The following CNOT6L variants were observed in gnomAD, a reference collection of about 807,000 sequenced individuals.
CNOT6L encodes CCR4-NOT transcription complex subunit 6-like.
Under a neutral mutation model 64.0 loss-of-function variants are expected in CNOT6L, and 7 were observed. The ratio of observed to expected loss-of-function variants is 0.11; its 90% CI spans 0.06 to 0.21. The LOEUF is 0.21. Among genes scored for constraint, CNOT6L ranks in the 10% least tolerant of loss-of-function variants. The pLI is 1.00. For synonymous variants in CNOT6L, 193 were observed against 243.4 expected (o/e 0.79, Z 1.93); for missense variants, 245 against 669.0 (o/e 0.37, Z 6.99).
At chr4:77,793,472 T>G (rs554367371) in intron 1 of CNOT6L, among the ~76,000 whole-genome samples, 1 of 152,300 alleles carries the variant, frequency 6.6e-6, no homozygotes, top group Non-Finnish European at 1.5e-5. Flanking sequence ...ATTCTGAAAT[T>G]TGCCTCTGGT....
At chr4:77,794,503 A>G (rs1375854950) in intron 1 of CNOT6L, among the ~76,000 whole-genome samples, 1 of 152,216 alleles carries the variant, frequency 6.6e-6, no homozygotes, top group Non-Finnish European at 1.5e-5. Flanking sequence ...AAAACCACCT[A>G]TTAAGAAACT....
At chr4:77,806,780 C>CCA (rs1732273486) in intron 1 of CNOT6L, among the ~76,000 whole-genome samples, 2 of 152,216 alleles carry the variant, frequency 1.3e-5, no homozygotes, top group African/African-American at 4.8e-5. Flanking sequence ...CCTCATGTTC[C>CCA]CACTCGAGCC....
intron 1 of CNOT6L, among the ~76,000 whole-genome samples, chr4:77,779,665 T>C (rs1728626764): frequency 6.6e-6 from 1 of 151,992 alleles, no homozygotes; most frequent in Non-Finnish European, 1.5e-5. Context: ...AGGATGCCAA[T>C]AAAAATGACC....
chr4:77,721,473 T>G (rs914762101), intron 11 of CNOT6L, among the ~76,000 whole-genome samples: 1 of 152,146 alleles, frequency 6.6e-6, no homozygotes, highest in Non-Finnish European at 1.5e-5. Flanking sequence ...GGGAGAAATA[T>G]TTCTACACCT....
At chr4:77,748,933 A>C (rs1415665563) in intron 5 of CNOT6L, among the ~76,000 whole-genome samples, 1 of 152,208 alleles carries the variant, frequency 6.6e-6, no homozygotes, top group African/African-American at 2.4e-5. Context: ...TTAGACATTA[A>C]TTGCTCAGAT....
intron 1 of CNOT6L, chr4:77,819,000 A>C: frequency 1.5e-6 from 1 of 669,106 alleles, no homozygotes; most frequent in Non-Finnish European, 2.7e-6. Flanking sequence ...CCGCAGCCAC[A>C]AAGCGGGAGG....
intron 1 of CNOT6L, among the ~76,000 whole-genome samples, chr4:77,789,306 C>A (rs1433640891): frequency 1.3e-5 from 2 of 152,040 alleles, no homozygotes; most frequent in East Asian, 1.9e-4. Context: ...CCCCACGCTC[C>A]CCCCAACCCC....
At chr4:77,790,603 A>C (rs1285831904) in intron 1 of CNOT6L, among the ~76,000 whole-genome samples, 1 of 152,140 alleles carries the variant, frequency 6.6e-6, no homozygotes, top group Non-Finnish European at 1.5e-5. Context: ...GGCCATTCTA[A>C]AAGGTACACT....
intron 6 of CNOT6L, among the ~76,000 whole-genome samples, chr4:77,745,867 T>C (rs1474962507): frequency 6.6e-6 from 1 of 152,204 alleles, no homozygotes; most frequent in Non-Finnish European, 1.5e-5. Flanking sequence ...AAGTGACACT[T>C]GATTGAAGTT....
At chr4:77,738,460 G>A (rs750934763) in intron 8 of CNOT6L, among the ~76,000 whole-genome samples, 3 of 151,866 alleles carry the variant, frequency 2.0e-5, no homozygotes, top group African/African-American at 4.8e-5. Flanking sequence ...TGAGTCTAAA[G>A]CATGTATCTA....
At chr4:77,747,277 G>A (rs191890474) in intron 6 of CNOT6L, among the ~76,000 whole-genome samples, 1 of 151,952 alleles carries the variant, frequency 6.6e-6, no homozygotes, top group Non-Finnish European at 1.5e-5. Flanking sequence ...AGCGATTCTC[G>A]TGCCTCAGCC....
At chr4:77,731,573 G>A (rs774644953) in intron 8 of CNOT6L, 35 bp from the exon 9 acceptor site, 9 of 1,406,214 alleles carry the variant, frequency 6.4e-6, no homozygotes, top group Non-Finnish European at 6.7e-6. Flanking sequence ...TAGGTACCTA[G>A]ACTATCATGC....
In CNOT6L at chr4:77,741,286, T is replaced by C. The variant is rs536523223; in HGVS notation, c.872+855A>G. Among the ~76,000 whole-genome samples the C allele has an allele frequency of 2.0e-5, 3 of 152,308 alleles. No homozygotes were observed. In the East Asian group the frequency reaches 5.8e-4, roughly 29 times the overall value. On this transcript the variant is annotated intron_variant, in intron 8 of 11. Coordinates refer to ENST00000504123, the MANE Select transcript of CNOT6L (RefSeq NM_144571.3). ...ATTCATTGAATTTGTTTACTTAAAA[T>C]AGCATGTCATGCTGGTAATATGCTT... is the stretch of plus-strand genomic sequence containing the variant.
chr4:77,819,851 G>A (rs1734096476), upstream of CNOT6L, among the ~76,000 whole-genome samples: 1 of 151,548 alleles, frequency 6.6e-6, no homozygotes, highest in Non-Finnish European at 1.5e-5. Context: ...CAGACCGGGG[G>A]TCGGGAAGGG....
chr4:77,808,260 G>A (rs747292352), intron 1 of CNOT6L, among the ~76,000 whole-genome samples: 3 of 151,974 alleles, frequency 2.0e-5, no homozygotes, highest in Admixed American at 1.3e-4. Context: ...TCAGGAGTTC[G>A]AGACCAGCCT....
intron 1 of CNOT6L, among the ~76,000 whole-genome samples, chr4:77,808,532 G>C (rs1367956296): frequency 6.6e-6 from 1 of 151,380 alleles, no homozygotes; most frequent in African/African-American, 2.4e-5. Flanking sequence ...GCCCACAGTA[G>C]GTAACCAGAA....
At chr4:77,791,481 T>C (rs1010371165) in intron 1 of CNOT6L, among the ~76,000 whole-genome samples, 8 of 152,128 alleles carry the variant, frequency 5.3e-5, no homozygotes, top group South Asian at 2.1e-4. Flanking sequence ...AGTTTAAGAA[T>C]ACTTACAGAT....
intron 11 of CNOT6L, among the ~76,000 whole-genome samples, chr4:77,724,362 G>C (rs1424667935): frequency 6.6e-6 from 1 of 151,534 alleles, no homozygotes; most frequent in Non-Finnish European, 1.5e-5. Context: ...ATCTAGGCTG[G>C]GTAGGGTGGC....
intron 1 of CNOT6L, among the ~76,000 whole-genome samples, chr4:77,813,404 AAAT>A (rs1733184853): frequency 6.6e-6 from 1 of 152,184 alleles, no homozygotes; most frequent in South Asian, 2.1e-4. Context: ...AGCACAGCAA[AAAT>A]AATAACAAGA....
Sources: allele counts gnomAD v4.1 joint callset (sites outside exome capture counted in the v4.1 genomes callset), GRCh38; gene constraint gnomAD v4.1.1; transcripts MANE v1.5; gene names NCBI Gene and HGNC (gene_info 2026-07-23, HGNC 2026-07-21).